DNM3: variants seen among roughly 807,000 people sequenced by gnomAD.
The protein encoded by DNM3 is dynamin-3.
DNM3 carries 47 observed loss-of-function variants against 101.6 expected under a neutral mutation model. The ratio of observed to expected loss-of-function variants is 0.46; its 90% confidence interval spans 0.37 to 0.59. The LOEUF (loss-of-function observed/expected upper bound fraction) is 0.59. Among genes scored for constraint, DNM3 ranks in the 20% least tolerant of loss-of-function variants. DNM3 has a pLI of 0.00. For synonymous variants in DNM3, 385 were observed against 387.9 expected (o/e 0.99, Z 0.09); for missense variants, 849 against 1,085.7 (o/e 0.78, Z 3.06).
At chr1:172,389,976 A>G (rs9425592) in intron 20 of DNM3, among the ~76,000 whole-genome samples, 71,764 of 151,722 alleles carry the variant, frequency 0.47, 20,063 homozygotes, top group East Asian at 0.87. Flanking sequence ...TTCTTTATCT[A>G]TGAAACAGGG....
At chr1:171,865,283 A>G (rs2034605111) in intron 1 of DNM3, among the ~76,000 whole-genome samples, 1 of 152,086 alleles carries the variant, frequency 6.6e-6, no homozygotes, top group African/African-American at 2.4e-5. Context: ...TGGGAGGCTG[A>G]GGCAGGCAAA....
intron 4 of DNM3, among the ~76,000 whole-genome samples, chr1:171,998,613 A>G (rs2046163587): frequency 6.6e-6 from 1 of 152,114 alleles, no homozygotes; most frequent in Non-Finnish European, 1.5e-5. Flanking sequence ...GGCCTTCTAG[A>G]GCTTGTATTC....
intron 15 of DNM3, among the ~76,000 whole-genome samples, chr1:172,272,781 A>G (rs1161379347): frequency 6.6e-6 from 1 of 152,136 alleles, no homozygotes; most frequent in Non-Finnish European, 1.5e-5. Flanking sequence ...TTAAAATTAT[A>G]GTCATTTCTT....
At position 172,212,431 on chromosome 1, in the gene DNM3, T is replaced by C. The variant is rs2060545913; in HGVS notation, c.1660-41142T>C. Among the ~76,000 whole-genome samples, 3 of 152,172 alleles carry C rather than the reference T, an allele frequency of 2.0e-5. No homozygotes were observed. The South Asian group carries it at 6.2e-4, about 31-fold the overall frequency. ...ATGTATGTCTTTTACTGTGGTGCAGTCACTGAACATATTTCATATGACGGA... is the reference window on the plus strand; with the variant it reads ...ATGTATGTCTTTTACTGTGGTGCAGCCACTGAACATATTTCATATGACGGA... On this transcript the variant is annotated intron_variant, in intron 14 of 20. Coordinates refer to ENST00000627582, the MANE Select transcript of DNM3 (RefSeq NM_015569.5).
chr1:172,395,311 C>T (rs1558087301), intron 20 of DNM3, among the ~76,000 whole-genome samples: 1 of 151,884 alleles, frequency 6.6e-6, no homozygotes, highest in South Asian at 2.1e-4. Flanking sequence ...GCTGGGATTA[C>T]AGGCGTGCAC....
rs1283940720 is a variant in DNM3 at position 172,040,660 on chromosome 1, T to C, written c.993-1349T>C. ...TAGACATGGCAATGTTAATGTACTG[T>C]GCCAAATGCTCTGCAGGAAACACGC... On this transcript the variant is annotated intron_variant, in intron 7 of 20. Coordinates refer to ENST00000627582, the MANE Select transcript of DNM3 (RefSeq NM_015569.5). 1.3e-5 allele frequency among the ~76,000 whole-genome samples: 2 copies of C among 152,098 alleles called. 1 individual carries two copies. Among genetic ancestry groups the C allele is most frequent in the East Asian group, 3.9e-4 (2 of 5,190 alleles).
chr1:172,347,761 A>G (rs930232305), intron 17 of DNM3, among the ~76,000 whole-genome samples: 2 of 152,206 alleles, frequency 1.3e-5, no homozygotes, highest in Admixed American at 6.5e-5. Context: ...TTCAAAGACG[A>G]CTAACAGAAC....
intron 14 of DNM3, among the ~76,000 whole-genome samples, chr1:172,142,768 A>G (rs1056608688): frequency 1.6e-4 from 24 of 151,300 alleles, no homozygotes; most frequent in Non-Finnish European, 1.0e-4. Context: ...AAAATTTGAG[A>G]AAAACATTAC....
At chr1:172,171,392 A>G (rs2058954908) in intron 14 of DNM3, among the ~76,000 whole-genome samples, 1 of 151,818 alleles carries the variant, frequency 6.6e-6, no homozygotes, top group Non-Finnish European at 1.5e-5. Flanking sequence ...TGATAAAAGT[A>G]TATGAATAGT....
chr1:172,193,401 T>C (rs2059815572), intron 14 of DNM3, among the ~76,000 whole-genome samples: 1 of 152,166 alleles, frequency 6.6e-6, no homozygotes, highest in African/African-American at 2.4e-5. Flanking sequence ...GATTCCCTCT[T>C]TTTCTATTGA....
chr1:171,932,002 T>TCCTTGCTCCCTCCCTTCCTC (rs2041048689), intron 2 of DNM3, among the ~76,000 whole-genome samples: 1 of 103,850 alleles, frequency 9.6e-6, no homozygotes, highest in African/African-American at 3.7e-5. Context: ...CTCCCTTCCT[T>TCCTTGCTCCCTCCCTTCCTC]CCTTCCTCCC....
intron 16 of DNM3, chr1:172,311,363 T>G (rs150471389): frequency 8.6e-5 from 13 of 151,942 alleles, no homozygotes; most frequent in African/African-American, 3.1e-4. Flanking sequence ...CATGCAACTA[T>G]AATGTTTGTG....
intron 1 of DNM3, among the ~76,000 whole-genome samples, chr1:171,883,363 CCACACA>C (rs71107337): frequency 0.055 from 6,631 of 119,878 alleles, 270 homozygotes; most frequent in African/African-American, 0.096. Context: ...CAAAAAAGGA[CCACACA>C]CACACACACA....
chr1:171,922,040 TAAAA>T (rs1036603346), intron 2 of DNM3, among the ~76,000 whole-genome samples: 1 of 152,104 alleles, frequency 6.6e-6, no homozygotes, highest in African/African-American at 2.4e-5. Context: ...AATACCTACT[TAAAA>T]AAATGTTTTA....
At chr1:172,072,625 C>T (rs1467107150) in intron 11 of DNM3, among the ~76,000 whole-genome samples, 4 of 152,162 alleles carry the variant, frequency 2.6e-5, no homozygotes, top group South Asian at 2.1e-4. Flanking sequence ...CGGTGGCTCA[C>T]GCCTGTAATC....
Position 171,902,342 on chromosome 1 carries a change from C to T in DNM3, c.162-19406C>T, listed in dbSNP as rs553335487. On this transcript the variant is annotated intron_variant, in intron 1 of 20. Transcript: ENST00000627582. The stretch of plus-strand genomic sequence containing the variant: ...AGAACTGCCAATGAACAAAATCAGA[C>T]TTTTGTAAAATGAAAGTAAAAATGC... Among the ~76,000 whole-genome samples, 12 of 152,272 alleles carry T rather than the reference C, an allele frequency of 7.9e-5. No individual in the cohort carries two copies. In the South Asian group the frequency reaches 1.0e-3, roughly 13 times the overall value.
At chr1:172,307,345 A>G (rs2064874896) in intron 15 of DNM3, among the ~76,000 whole-genome samples, 1 of 152,252 alleles carries the variant, frequency 6.6e-6, no homozygotes, top group Admixed American at 6.5e-5. Flanking sequence ...TACACCAGTT[A>G]GAATGGCGAT....
At chr1:172,131,892 C>T (rs1355813317) in intron 14 of DNM3, 3 of 223,908 alleles carry the variant, frequency 1.3e-5, no homozygotes, top group Non-Finnish European at 1.9e-5. Flanking sequence ...GGTCCTGTGA[C>T]TTACTACTCA....
chr1:171,997,509 C>T (rs1041008239), intron 4 of DNM3, among the ~76,000 whole-genome samples: 7 of 151,930 alleles, frequency 4.6e-5, no homozygotes, highest in African/African-American at 9.7e-5. Flanking sequence ...ATAGAGAGAG[C>T]GTTCAGTGCT....
Sources: gnomAD v4.1 joint callset for allele counts (sites outside exome capture counted in the v4.1 genomes callset) on GRCh38, gnomAD v4.1.1 for gene constraint, MANE v1.5 for transcripts, NCBI Gene and HGNC (gene_info 2026-07-23, HGNC 2026-07-21) for gene names.